Variants in TRIM2 observed in about 807,000 individuals in gnomAD.
The protein encoded by TRIM2 is tripartite motif containing 2.
Under a neutral mutation model 75.2 loss-of-function variants are expected in TRIM2, and 20 were observed. That is an observed-to-expected ratio of 0.27 (90% CI 0.19 to 0.39). TRIM2 has a LOEUF of 0.39. Ranked by LOEUF, TRIM2 falls within the 10% of genes least tolerant of loss-of-function variation. The pLI is 1.00. For missense variants in TRIM2, 660 were observed against 990.8 expected (o/e 0.67, Z 4.48); for synonymous variants, 373 against 388.3 (o/e 0.96, Z 0.46).
At chr4:153,316,074 C>G in intron 8 of TRIM2, 75 bp downstream of exon 8, 4 of 1,414,672 alleles carry the variant, frequency 2.8e-6, no homozygotes, top group Non-Finnish European at 3.8e-6. Context: ...TTGCATATTT[C>G]TTTTTTGAGA....
intron 1 of TRIM2, among the ~76,000 whole-genome samples, chr4:153,189,025 A>G (rs933474261): frequency 2.6e-5 from 4 of 152,056 alleles, no homozygotes; most frequent in African/African-American, 9.7e-5. Flanking sequence ...AAAAAAAACA[A>G]TTAATTTTAT....
rs180834897 is a variant in TRIM2, at chr4:153,269,188, A to G, written c.31-1147A>G. Among the ~76,000 whole-genome samples, 190 of 152,338 alleles carry G rather than the reference A, an allele frequency of 1.2e-3. 1 individual carries two copies. The highest frequency in any genetic ancestry group is 3.4e-3 in the Middle Eastern group (1 of 294). On this transcript the variant is annotated intron_variant, in intron 1 of 11. Transcript: ENST00000338700. ...TTGATACTATTTTTAATTTTACATT[A>G]TCAAGGGCTTCACAACCTCCTCTTT...
At chr4:153,294,210 C>A in intron 4 of TRIM2, 95 bp from the exon 5 acceptor site, 2 of 1,247,752 alleles carry the variant, frequency 1.6e-6, no homozygotes, top group Non-Finnish European at 2.2e-6. Context: ...TGATGAAAGG[C>A]ATAGAATTTT....
rs1560875366 is a variant in TRIM2 at position 153,244,411 on chromosome 4, CTTCTTCTTCTTCTTCTTCTTCTTCTTTTA to C, written c.31-25923_31-25895del. On this transcript the variant is annotated intron_variant, in intron 1 of 11. Transcript: ENST00000338700. ...TCTTCTTCTTCTTCTTCTTCTTCTTCTTCTTCTTCTTCTTCTTCTTCTTCTTTTAATTAGAGAGGAGGCCTCACTATGTT... is the reference window on the plus strand; with the variant it reads ...TCTTCTTCTTCTTCTTCTTCTTCTTCATTAGAGAGGAGGCCTCACTATGTT... Among the ~76,000 whole-genome samples the C allele has an allele frequency of 8.7e-4, 78 of 89,814 alleles. 5 individuals carry two copies. The Middle Eastern group carries it at 0.013, about 14-fold the overall frequency. The allele number at this position is 89,814 out of a possible 152,430, so 58.9% of individuals were successfully genotyped here. A position where few individuals can be genotyped will look rare whatever the true frequency, so the allele number is the denominator to read the frequency against.
rs1426672975 is a variant in TRIM2, at chr4:153,334,990, T to C, written c.*24T>C. ...AATGGTGGGCAGGTGGATACCCGCTTCCATGGTCTTGCACTATAAACTGGA... is the reference window on the plus strand; with the variant it reads ...AATGGTGGGCAGGTGGATACCCGCTCCCATGGTCTTGCACTATAAACTGGA... On this transcript the variant is annotated 3_prime_UTR_variant, in exon 12 of 12. Coordinates refer to ENST00000338700, the MANE Select transcript of TRIM2 (RefSeq NM_015271.5). 3.1e-6 allele frequency: 5 copies of C among 1,599,456 alleles called. No homozygotes were observed. The African/African-American group carries it at 5.4e-5, about 17-fold the overall frequency.
intron 3 of TRIM2, among the ~76,000 whole-genome samples, chr4:153,287,197 C>G (rs1760839362): frequency 6.6e-6 from 1 of 152,126 alleles, no homozygotes; most frequent in Non-Finnish European, 1.5e-5. Flanking sequence ...TCAAGCTGGT[C>G]TTGACCTCCT....
At chr4:153,257,406 A>T in intron 1 of TRIM2, 1 of 1,136,060 alleles carries the variant, frequency 8.8e-7, no homozygotes. Flanking sequence ...AGTGAGAAAA[A>T]GATGTCCTGT....
chr4:153,325,009 A>G (rs1185072830), intron 10 of TRIM2, among the ~76,000 whole-genome samples: 1 of 152,262 alleles, frequency 6.6e-6, no homozygotes, highest in East Asian at 1.9e-4. Context: ...AGGAAAAATG[A>G]TAAGGAAACA....
intron 3 of TRIM2, among the ~76,000 whole-genome samples, chr4:153,281,019 A>T (rs1305566114): frequency 6.6e-6 from 1 of 152,246 alleles, no homozygotes; most frequent in Non-Finnish European, 1.5e-5. Flanking sequence ...CTTACAAATT[A>T]AGAAAAATAT....
intron 1 of TRIM2, among the ~76,000 whole-genome samples, chr4:153,216,160 G>A (rs561148435): frequency 6.6e-6 from 1 of 152,272 alleles, no homozygotes; most frequent in African/African-American, 2.4e-5. Context: ...TTGAAGCAGT[G>A]TATGGTTCTG....
chr4:153,300,912 C>T (rs1362415002), intron 6 of TRIM2, among the ~76,000 whole-genome samples: 5 of 150,830 alleles, frequency 3.3e-5, no homozygotes, highest in Admixed American at 1.3e-4. Context: ...ACATGGGGGC[C>T]GGGCACAGTG....
intron 1 of TRIM2, among the ~76,000 whole-genome samples, chr4:153,244,566 T>G (rs56101394): frequency 6.6e-6 from 1 of 150,824 alleles, no homozygotes; most frequent in Non-Finnish European, 1.5e-5. Context: ...TAGCAACACA[T>G]AGTTTTTTGA....
At chr4:153,179,201 AT>A (rs1329314625) in intron 1 of TRIM2, among the ~76,000 whole-genome samples, 2 of 151,866 alleles carry the variant, frequency 1.3e-5, no homozygotes, top group African/African-American at 4.8e-5. Context: ...GTTAATAGCA[AT>A]TTTGATATTA....
At position 153,338,692 on chromosome 4, in the gene TRIM2, T is replaced by C. The variant is rs927761391; in HGVS notation, c.*3726T>C. On this transcript the variant is annotated 3_prime_UTR_variant, in exon 12 of 12. Transcript: ENST00000338700. ...TGCTTAAAAACTTTCTAAAGATGAA[T>C]TGTGTGGCAGTGATTGGTCTGTTTG... 1 of 985,642 alleles carries C rather than the reference T, an allele frequency of 1.0e-6. No homozygotes were observed. The highest frequency in any genetic ancestry group is 1.2e-6 in the Non-Finnish European group (1 of 829,900). The allele number at this position is 985,642 out of a possible 1,614,324, so 61.1% of individuals were successfully genotyped here. A position where few individuals can be genotyped will look rare whatever the true frequency, so the allele number is the denominator to read the frequency against.
intron 1 of TRIM2, among the ~76,000 whole-genome samples, chr4:153,227,489 T>C (rs1742456502): frequency 6.6e-6 from 1 of 152,234 alleles, no homozygotes; most frequent in Admixed American, 6.5e-5. Flanking sequence ...TCTCTTTTGC[T>C]GACTACATGC....
rs80039959 is a variant in TRIM2, at chr4:153,248,318, C to T, written c.31-22017C>T. Among the ~76,000 whole-genome samples the T allele has an allele frequency of 5.1e-3, 773 of 152,284 alleles. 8 individuals carry two copies. The highest frequency in any genetic ancestry group is 0.017 in the African/African-American group (721 of 41,550). On this transcript the variant is annotated intron_variant, in intron 1 of 11. Coordinates refer to ENST00000338700, the MANE Select transcript of TRIM2 (RefSeq NM_015271.5). This position sits in a 1 kb window ranked among gnomAD's most constrained non-coding sequence, Gnocchi z 4.0. The stretch of plus-strand genomic sequence containing the variant: ...GCCTAGATCAGGTTCTTTACATAGA[C>T]TAAACAAACCATTTCCTTCTCCTAA...
Position 153,337,020 on chromosome 4 carries a change from A to G in TRIM2, c.*2054A>G. The G allele has an allele frequency of 2.0e-6, 2 of 982,136 alleles. No individual in the cohort carries two copies. The highest frequency in any genetic ancestry group is 2.4e-6 in the Non-Finnish European group (2 of 826,942). 60.8% of individuals were successfully genotyped at this position (982,136 alleles called of 1,614,324 possible). On this transcript the variant is annotated 3_prime_UTR_variant, in exon 12 of 12. Transcript: ENST00000338700. ...TACCAAGTACTCTTTTAGGCACTGG[A>G]AATACAGTGATGGACAAAACAGGTA...
intron 1 of TRIM2, among the ~76,000 whole-genome samples, chr4:153,158,639 A>T (rs1729455077): frequency 6.6e-6 from 1 of 152,226 alleles, no homozygotes; most frequent in Non-Finnish European, 1.5e-5. Flanking sequence ...AAAATAAAAC[A>T]AAGACAGTGT....
At chr4:153,307,113 G>A (rs1206055168) in intron 6 of TRIM2, among the ~76,000 whole-genome samples, 1 of 152,164 alleles carries the variant, frequency 6.6e-6, no homozygotes, top group Admixed American at 6.5e-5. Flanking sequence ...AATGAGTTTA[G>A]AGAAATAGCT....
Sources: allele counts gnomAD v4.1 joint callset (sites outside exome capture counted in the v4.1 genomes callset), GRCh38; gene constraint gnomAD v4.1.1; non-coding constraint Gnocchi (gnomAD v3.1); transcripts MANE v1.5; gene names NCBI Gene and HGNC (gene_info 2026-07-23, HGNC 2026-07-21).